Variants in ELMO1 observed in about 807,000 individuals in gnomAD.
The protein encoded by ELMO1 is engulfment and cell motility 1, also known as engulfment and cell motility protein 1.
ELMO1 carries 26 observed loss-of-function variants against 98.9 expected under a neutral mutation model. The observed-to-expected ratio is 0.26, with a 90% CI of 0.19 to 0.36. ELMO1 has a LOEUF of 0.36. ELMO1 is among the 10% of genes least tolerant of loss of function. The pLI, the probability that ELMO1 is intolerant of heterozygous loss-of-function variation, is 1.00. For missense variants in ELMO1, 627 were observed against 935.2 expected (o/e 0.67, Z 4.30); for synonymous variants, 346 against 346.0 (o/e 1.00, Z 0.00).
intron 13 of ELMO1, among the ~76,000 whole-genome samples, chr7:37,158,016 C>T (rs202135380): frequency 7.8e-4 from 115 of 147,174 alleles, no homozygotes; most frequent in South Asian, 1.1e-3. Context: ...CTACAACCAT[C>T]TGATCTTTGA....
chr7:37,027,790 A>G (rs10488029), intron 15 of ELMO1, among the ~76,000 whole-genome samples: 20,819 of 151,876 alleles, frequency 0.14, 1,728 homozygotes, highest in African/African-American at 0.23. Flanking sequence ...CAGCACTGTG[A>G]TAACAATTTA....
At chr7:37,172,699 C>A (rs1981740) in intron 13 of ELMO1, among the ~76,000 whole-genome samples, 107,045 of 152,146 alleles carry the variant, frequency 0.7, 40,434 homozygotes, top group Non-Finnish European at 0.83. Flanking sequence ...AATACCAGAA[C>A]TAGAACTCAA....
intron 6 of ELMO1, among the ~76,000 whole-genome samples, chr7:37,254,831 T>C (rs750275041): frequency 6.6e-6 from 1 of 152,212 alleles, no homozygotes; most frequent in Admixed American, 6.5e-5. Context: ...TCAGTTGCTT[T>C]AGCTCACATA....
intron 1 of ELMO1, among the ~76,000 whole-genome samples, chr7:37,443,690 T>C (rs1435685270): frequency 6.6e-6 from 1 of 152,184 alleles, no homozygotes; most frequent in Non-Finnish European, 1.5e-5. Context: ...TATAGATAAG[T>C]TCCAATTGTT....
At chr7:37,222,029 C>T (rs917780288) in intron 10 of ELMO1, among the ~76,000 whole-genome samples, 1 of 152,128 alleles carries the variant, frequency 6.6e-6, no homozygotes. Context: ...CAGATGGCTC[C>T]AATTTCCCAG....
At chr7:37,105,914 T>C (rs1341381605) in intron 14 of ELMO1, among the ~76,000 whole-genome samples, 2 of 152,178 alleles carry the variant, frequency 1.3e-5, no homozygotes, top group Non-Finnish European at 2.9e-5. Flanking sequence ...TGGGGTTATT[T>C]CTGGGATGAT....
At chr7:36,982,956 C>A (rs1279282381) in intron 16 of ELMO1, among the ~76,000 whole-genome samples, 1 of 152,182 alleles carries the variant, frequency 6.6e-6, no homozygotes, top group Non-Finnish European at 1.5e-5. Flanking sequence ...GAGCTGGGCC[C>A]GCCTCCCCTG....
At chr7:37,180,572 T>A (rs535929023) in intron 13 of ELMO1, among the ~76,000 whole-genome samples, 25 of 152,240 alleles carry the variant, frequency 1.6e-4, no homozygotes, top group African/African-American at 5.5e-4. Context: ...TAGGAAAGAA[T>A]AAGTGTAAAG....
intron 13 of ELMO1, among the ~76,000 whole-genome samples, chr7:37,172,015 A>G (rs1323642714): frequency 6.6e-6 from 1 of 152,198 alleles, no homozygotes. Context: ...AAAATTTGTC[A>G]TTTGGAAGAA....
rs796159852 is a variant in ELMO1 at position 36,939,170 on chromosome 7, GTTTTT to G, written c.1438-44158_1438-44154del. 3.7e-3 allele frequency among the ~76,000 whole-genome samples: 537 copies of G among 146,208 alleles called. 1 individual carries two copies. Among genetic ancestry groups the G allele is most frequent in the African/African-American group, 0.013 (521 of 39,758 alleles). ...GTATTTTAACACATTTAAGAAATGA[GTTTTT>G]TTTTTTTTATCTCCTAGCCACAGCA... On this transcript the variant is annotated intron_variant, in intron 16 of 21. Transcript: ENST00000310758.
At chr7:36,897,150 C>T (rs920340707) in intron 16 of ELMO1, among the ~76,000 whole-genome samples, 13 of 152,120 alleles carry the variant, frequency 8.5e-5, no homozygotes, top group African/African-American at 3.1e-4. Flanking sequence ...TAAGTGGGCA[C>T]GTGACCTGAA....
intron 13 of ELMO1, among the ~76,000 whole-genome samples, chr7:37,164,637 C>G (rs1789507142): frequency 6.6e-6 from 1 of 151,954 alleles, no homozygotes; most frequent in South Asian, 2.1e-4. Context: ...TGTCAAAGAT[C>G]AGATAGTTGT....
chr7:36,970,179 TA>T (rs1222060530), intron 16 of ELMO1, among the ~76,000 whole-genome samples: 1 of 113,152 alleles, frequency 8.8e-6, no homozygotes, highest in Non-Finnish European at 1.8e-5. Flanking sequence ...TTCATACACT[TA>T]ACACACACAC....
At chr7:37,418,947 G>A (rs1235272778) in intron 1 of ELMO1, among the ~76,000 whole-genome samples, 1 of 152,152 alleles carries the variant, frequency 6.6e-6, no homozygotes, top group South Asian at 2.1e-4. Context: ...CGGAACATGA[G>A]TCGAGGGAAG....
At chr7:36,966,385 G>A (rs1041967339) in intron 16 of ELMO1, among the ~76,000 whole-genome samples, 3 of 152,170 alleles carry the variant, frequency 2.0e-5, no homozygotes, top group Non-Finnish European at 4.4e-5. Flanking sequence ...TTAAGACCAC[G>A]GGTTTTTAAC....
Position 36,862,126 on chromosome 7 carries a change from A to G in ELMO1, c.1906-390T>C, listed in dbSNP as rs984697309. 1.4e-5 allele frequency: 3 copies of G among 216,820 alleles called. No homozygotes were observed. In the East Asian group the frequency reaches 3.2e-4, roughly 23 times the overall value. 13.4% of individuals were successfully genotyped at this position (216,820 alleles called of 1,614,324 possible). On this transcript the variant is annotated intron_variant, in intron 20 of 21. Coordinates refer to ENST00000310758, the MANE Select transcript of ELMO1 (RefSeq NM_014800.11). ...GAGAGGCCACAAAAACAAACAAACA[A>G]ACAAACAAACAAAAACCCAGTAAAC...
chr7:37,413,133 T>G (rs1804062148), intron 1 of ELMO1, among the ~76,000 whole-genome samples: 1 of 146,476 alleles, frequency 6.8e-6, no homozygotes, highest in Admixed American at 6.8e-5. Flanking sequence ...ACCAAATTTT[T>G]TTTTTGTTTT....
chr7:37,322,598 G>A (rs1204531162), intron 2 of ELMO1, among the ~76,000 whole-genome samples: 1 of 150,492 alleles, frequency 6.6e-6, no homozygotes, highest in Admixed American at 6.6e-5. Flanking sequence ...TCCAGCCTGG[G>A]CGACAACAGT....
At chr7:37,292,729 A>C (rs1439188650) in intron 4 of ELMO1, among the ~76,000 whole-genome samples, 3 of 81,632 alleles carry the variant, frequency 3.7e-5, no homozygotes, top group Admixed American at 1.2e-4. Context: ...CCCGTCCGGG[A>C]GGGAGGTGGG....
Sources: allele counts gnomAD v4.1 joint callset (sites outside exome capture counted in the v4.1 genomes callset), GRCh38; gene constraint gnomAD v4.1.1; transcripts MANE v1.5; gene names NCBI Gene and HGNC (gene_info 2026-07-23, HGNC 2026-07-21).